The following SATB1 variants were observed in gnomAD, a reference collection of about 807,000 sequenced individuals.
The protein encoded by SATB1 is DNA-binding protein SATB1.
Under a neutral mutation model 86.9 loss-of-function variants are expected in SATB1, and 11 were observed. The observed-to-expected ratio is 0.13, with a 90% CI of 0.08 to 0.21. The LOEUF is 0.21. SATB1 is among the 10% of genes least tolerant of loss of function. The pLI is 1.00. For missense variants in SATB1, 551 were observed against 937.6 expected (o/e 0.59, Z 5.39); for synonymous variants, 357 against 357.2 (o/e 1.00, Z 0.01).
At chr3:18,422,756 T>C (rs1559458338) in intron 1 of SATB1, among the ~76,000 whole-genome samples, 1 of 152,202 alleles carries the variant, frequency 6.6e-6, no homozygotes. Flanking sequence ...GAAAAATCTT[T>C]AGCCCTTGGG....
intron 9 of SATB1, among the ~76,000 whole-genome samples, chr3:18,353,917 G>C (rs1288350402): frequency 6.6e-6 from 1 of 152,124 alleles, no homozygotes; most frequent in Non-Finnish European, 1.5e-5. Flanking sequence ...TGATGCCACT[G>C]AATGCATAAT....
intron 9 of SATB1, among the ~76,000 whole-genome samples, chr3:18,376,765 T>C (rs961072374): frequency 9.9e-5 from 15 of 152,180 alleles, no homozygotes; most frequent in African/African-American, 3.1e-4. Flanking sequence ...CCATGATTCA[T>C]GACAGAATTT....
chr3:18,444,801 A>G lies in SATB1; in HGVS notation c.-25+717T>C. 1.8e-5 allele frequency: 5 copies of G among 274,454 alleles called. No homozygotes were observed. The highest frequency in any genetic ancestry group is 2.8e-5 in the Non-Finnish European group (5 of 181,210). 17.0% of individuals were successfully genotyped at this position (274,454 alleles called of 1,614,324 possible). A position where few individuals can be genotyped will look rare whatever the true frequency, so the allele number is the denominator to read the frequency against. ...TGACTTCAAGTTGTCCTCTTTCCCCATACGAAGTGGGCGTTTAAAGGGGAG... is the reference window on the plus strand; with the variant it reads ...TGACTTCAAGTTGTCCTCTTTCCCCGTACGAAGTGGGCGTTTAAAGGGGAG... On this transcript the variant is annotated intron_variant, in intron 1 of 3. Coordinates refer to the SATB1 transcript ENST00000415069. This position sits in a 1 kb window ranked among gnomAD's most constrained non-coding sequence, Gnocchi z 5.1.
chr3:18,395,957 C>G (rs1696943848), intron 6 of SATB1, among the ~76,000 whole-genome samples: 2 of 152,206 alleles, frequency 1.3e-5, no homozygotes, highest in South Asian at 4.1e-4. Flanking sequence ...CATGTAGACT[C>G]TAGTTTGATT....
intron 9 of SATB1, among the ~76,000 whole-genome samples, chr3:18,356,778 TTTAA>T (rs1275426209): frequency 6.6e-6 from 1 of 151,888 alleles, no homozygotes; most frequent in African/African-American, 2.4e-5. Flanking sequence ...GCACAATGAT[TTTAA>T]TTGAGTCAAG....
intron 5 of SATB1, 66 bp from the exon 6 acceptor site, chr3:18,397,356 C>T: frequency 3.2e-6 from 3 of 934,748 alleles, no homozygotes; most frequent in Non-Finnish European, 5.2e-6. Flanking sequence ...CAGAAATGAT[C>T]TCAATTGTGG....
At chr3:18,435,969 C>A (rs1699045342) in intron 2 of SATB1, among the ~76,000 whole-genome samples, 1 of 152,128 alleles carries the variant, frequency 6.6e-6, no homozygotes, top group African/African-American at 2.4e-5. Context: ...GACTGTCTTA[C>A]AAGCAGCCCC....
chr3:18,377,650 ATGTG>A (rs140416021), intron 9 of SATB1, among the ~76,000 whole-genome samples: 39 of 151,600 alleles, frequency 2.6e-4, no homozygotes, highest in African/African-American at 8.7e-4. Flanking sequence ...ATGCAAAGCT[ATGTG>A]TGTGTGTGTG....
At chr3:18,356,626 C>T (rs1012812107) in intron 9 of SATB1, among the ~76,000 whole-genome samples, 9 of 151,794 alleles carry the variant, frequency 5.9e-5, no homozygotes, top group South Asian at 2.1e-4. Context: ...TGTTGTACCA[C>T]ATTTAAATAA....
intron 5 of SATB1, among the ~76,000 whole-genome samples, chr3:18,406,317 A>C (rs1251248584): frequency 6.6e-6 from 1 of 152,020 alleles, no homozygotes; most frequent in Non-Finnish European, 1.5e-5. Context: ...GGAAGTGAAC[A>C]TGGGGTGATA....
Position 18,366,329 on chromosome 3 carries a change from C to T in SATB1, c.1575+11841G>A, listed in dbSNP as rs559186997. 9.9e-5 allele frequency among the ~76,000 whole-genome samples: 15 copies of T among 152,018 alleles called. 1 individual carries two copies. The highest frequency in any genetic ancestry group is 3.4e-4 in the African/African-American group (14 of 41,442). Reference sequence around the variant, plus strand: ...TTCCTTTGTATTTACTCCCTATCTCCCTAATCTCTTCCAAATCTGTGATTT... The same window carrying T: ...TTCCTTTGTATTTACTCCCTATCTCTCTAATCTCTTCCAAATCTGTGATTT... On this transcript the variant is annotated intron_variant, in intron 9 of 10. Transcript: ENST00000338745.
At chr3:18,434,240 A>G (rs1698985130) in intron 2 of SATB1, among the ~76,000 whole-genome samples, 1 of 152,102 alleles carries the variant, frequency 6.6e-6, no homozygotes, top group African/African-American at 2.4e-5. Context: ...TTTTGTCACT[A>G]AAAATTTACA....
In SATB1 at chr3:18,394,876, G is replaced by T. The variant is rs1365373295; in HGVS notation, c.792C>A (p.Ala264=). Residue 264 remains alanine, a synonymous_variant, in exon 7 of 11, where the codon GCC becomes GCA. Coordinates refer to ENST00000338745, the MANE Select transcript of SATB1 (RefSeq NM_002971.6). This position sits in a 1 kb window ranked among gnomAD's most constrained non-coding sequence, Gnocchi z 5.9. The part of the protein sequence containing the change: ...DSLSELSQQG[A]NHVNFGQQPV... ...GTTGCTGGCCAAAATTGACATGATT[G>T]GCGCCTTGCTGGGATAGCTCAGAAA... is the stretch of plus-strand genomic sequence containing the variant. 2 of 1,610,892 alleles carry T rather than the reference G, an allele frequency of 1.2e-6. No homozygotes were observed. Among genetic ancestry groups the T allele is most frequent in the Non-Finnish European group, 8.5e-7 (1 of 1,178,536 alleles).
chr3:18,351,911 G>T lies in SATB1; in HGVS notation c.1779+81C>A, dbSNP rs1439126204. 4 of 1,344,570 alleles carry T rather than the reference G, an allele frequency of 3.0e-6. No homozygotes were observed. The East Asian group carries it at 9.2e-5, about 31-fold the overall frequency. The allele number at this position is 1,344,570 out of a possible 1,614,324, so 83.3% of individuals were successfully genotyped here. A position where few individuals can be genotyped will look rare whatever the true frequency, so the allele number is the denominator to read the frequency against. Reference sequence around the variant, plus strand: ...AAAGCCTATGGTTAGACTGGCAGGAGGAAGAGAAACGCTAATTTCCCTGCT... The same window carrying T: ...AAAGCCTATGGTTAGACTGGCAGGATGAAGAGAAACGCTAATTTCCCTGCT... On this transcript the variant is annotated intron_variant, in intron 10 of 10. Transcript: ENST00000338745.
intron 1 of SATB1, chr3:18,445,371 C>T: frequency 4.0e-6 from 3 of 755,198 alleles, no homozygotes; most frequent in South Asian, 6.1e-5. Context: ...GGCGGCGGGC[C>T]GGAGGGGCGA....
chr3:18,351,629 C>T, intron 10 of SATB1: 2 of 535,070 alleles, frequency 3.7e-6, no homozygotes, highest in South Asian at 2.4e-5. Context: ...TCCTCAGGGG[C>T]ACTGTGGTAT....
At chr3:18,404,202 T>A (rs1472177331) in intron 5 of SATB1, among the ~76,000 whole-genome samples, 2 of 152,048 alleles carry the variant, frequency 1.3e-5, no homozygotes, top group African/African-American at 4.8e-5. Flanking sequence ...GGGCTTCAAT[T>A]TATGACAGCG....
chr3:18,348,128 T>C lies in SATB1; in HGVS notation c.*1042A>G, dbSNP rs558418634. The C allele has an allele frequency of 3.9e-5, 6 of 152,780 alleles. No individual in the cohort carries two copies. The highest frequency in any genetic ancestry group is 3.9e-4 in the Admixed American group (6 of 15,304). 9.5% of individuals were successfully genotyped at this position (152,780 alleles called of 1,614,324 possible). A position where few individuals can be genotyped will look rare whatever the true frequency, so the allele number is the denominator to read the frequency against. On this transcript the variant is annotated 3_prime_UTR_variant, in exon 11 of 11. Transcript: ENST00000338745. ...TACAGAAATTTTATACAGATGTAGC[T>C]TTAAAATTGATTGTAAACCAAAGGA...
intron 8 of SATB1, among the ~76,000 whole-genome samples, chr3:18,382,099 CTA>C (rs1249987678): frequency 6.6e-6 from 1 of 152,040 alleles, no homozygotes; most frequent in Non-Finnish European, 1.5e-5. Flanking sequence ...CAAGATGAAC[CTA>C]TGTTTCATTA....
Sources: gnomAD v4.1 joint callset for allele counts (sites outside exome capture counted in the v4.1 genomes callset) on GRCh38, gnomAD v4.1.1 for gene constraint, Gnocchi (gnomAD v3.1) non-coding constraint, MANE v1.5 for transcripts, NCBI Gene and HGNC (gene_info 2026-07-23, HGNC 2026-07-21) for gene names.